LMTK2: variants seen among roughly 807,000 people sequenced by gnomAD.
The protein encoded by LMTK2 is lemur tail kinase 2, also known as serine/threonine-protein kinase LMTK2.
Under a neutral mutation model 127.5 loss-of-function variants are expected in LMTK2, and 37 were observed. The ratio of observed to expected loss-of-function variants is 0.29; its 90% CI spans 0.22 to 0.38. The LOEUF (loss-of-function observed/expected upper bound fraction) is 0.38, where lower values mean the gene tolerates loss of function less well. Among genes scored for constraint, LMTK2 ranks in the 10% least tolerant of loss-of-function variants. LMTK2 has a pLI of 1.00. For missense variants in LMTK2, 1,694 were observed against 1,920.3 expected, an observed-to-expected ratio of 0.88 and a Z score of 2.20; for synonymous variants, 819 against 810.1, an observed-to-expected ratio of 1.01 and a Z score of -0.19.
intron 1 of LMTK2, among the ~76,000 whole-genome samples, chr7:98,119,061 C>G (rs936002636): frequency 6.6e-6 from 1 of 150,794 alleles, no homozygotes; most frequent in Admixed American, 6.6e-5. Flanking sequence ...CACTGCACTC[C>G]CGCCTGGGTG....
chr7:98,193,091 A>G lies in LMTK2; in HGVS notation c.2626A>G (p.Thr876Ala), dbSNP rs1797559434. 1 of 1,613,734 alleles carries G rather than the reference A, an allele frequency of 6.2e-7. No individual in the cohort carries two copies. The highest frequency in any genetic ancestry group is 1.3e-5 in the African/African-American group (1 of 75,018). ...PVEILSTDAR[T>A]HSLDNRSQDS... ...TGAAATTCTCTCAACTGATGCCAGA[A>G]CCCACAGCCTGGATAACAGGTCCCA... The change falls in exon 11 of 14, where the codon ACC (threonine) becomes GCC (alanine). Residue 876 changes from threonine to alanine, a missense_variant. Around this residue, in one of 8 missense-constraint regions of LMTK2, gnomAD observed 527 missense variants for 539.8 expected, o/e 0.98. Transcript: ENST00000297293. This position sits in a 1 kb window ranked among gnomAD's most constrained non-coding sequence, Gnocchi z 4.1.
chr7:98,145,819 G>A (rs1001585186), intron 3 of LMTK2, among the ~76,000 whole-genome samples: 2 of 152,156 alleles, frequency 1.3e-5, no homozygotes, highest in African/African-American at 4.8e-5. Flanking sequence ...TAATTTTGAT[G>A]AAGTCCAGTT....
At chr7:98,172,418 C>T (rs924791336) in intron 7 of LMTK2, among the ~76,000 whole-genome samples, 3 of 151,618 alleles carry the variant, frequency 2.0e-5, no homozygotes, top group Admixed American at 6.6e-5. Flanking sequence ...CTTGAATGAC[C>T]GTAGTTCTTT....
At chr7:98,158,725 TGTA>T (rs1231242656) in intron 5 of LMTK2, among the ~76,000 whole-genome samples, 2 of 152,236 alleles carry the variant, frequency 1.3e-5, no homozygotes, top group Non-Finnish European at 2.9e-5. Flanking sequence ...GTAGGTTATG[TGTA>T]GATAATGACA....
At chr7:98,114,721 T>C (rs764610870) in intron 1 of LMTK2, among the ~76,000 whole-genome samples, 1 of 152,228 alleles carries the variant, frequency 6.6e-6, no homozygotes, top group African/African-American at 2.4e-5. Context: ...CACAGCACTT[T>C]TTTCAGAGCT....
intron 1 of LMTK2, among the ~76,000 whole-genome samples, chr7:98,109,229 A>G (rs1796163464): frequency 6.6e-6 from 1 of 152,118 alleles, no homozygotes; most frequent in Non-Finnish European, 1.5e-5. Flanking sequence ...TTATAAAATG[A>G]ATTTTGTTGG....
At chr7:98,164,149 T>C (rs561269696) in intron 6 of LMTK2, among the ~76,000 whole-genome samples, 2 of 152,256 alleles carry the variant, frequency 1.3e-5, no homozygotes, top group Non-Finnish European at 2.9e-5. Flanking sequence ...GTAGCTGGCC[T>C]GCAGCCACAG....
At position 98,132,626 on chromosome 7, in the gene LMTK2, T is replaced by C. The variant is rs143581929; in HGVS notation, c.104-4689T>C. 2.5e-3 allele frequency among the ~76,000 whole-genome samples: 375 copies of C among 152,234 alleles called. 3 individuals are homozygous for C. The highest frequency in any genetic ancestry group is 8.6e-3 in the African/African-American group (358 of 41,514). ...GCCTTTTCCTTATGACTTGAACCAC[T>C]GGGTAACCAAATAGTAAATGTGAGG... On this transcript the variant is annotated intron_variant, in intron 1 of 13. Transcript: ENST00000297293.
At position 98,206,568 on chromosome 7, in the gene LMTK2, T is replaced by A. The variant is rs1021623368; in HGVS notation, c.*1076T>A. 2 of 152,274 alleles carry A rather than the reference T, an allele frequency of 1.3e-5. No homozygotes were observed. Among genetic ancestry groups the A allele is most frequent in the Admixed American group, 6.5e-5 (1 of 15,284 alleles). The allele number at this position is 152,274 out of a possible 1,614,324, so 9.4% of individuals were successfully genotyped here. A position where few individuals can be genotyped will look rare whatever the true frequency, so the allele number is the denominator to read the frequency against. ...GCCTGGTTTTCGGAGGCCAGGCTGC[T>A]GGGAAGCTTCCGTGTTCCTGTCAGT... is the stretch of plus-strand genomic sequence containing the variant. On this transcript the variant is annotated 3_prime_UTR_variant, in exon 14 of 14. Coordinates refer to ENST00000297293, the MANE Select transcript of LMTK2 (RefSeq NM_014916.4).
At chr7:98,180,619 G>A (rs1797341760) in intron 7 of LMTK2, among the ~76,000 whole-genome samples, 1 of 152,188 alleles carries the variant, frequency 6.6e-6, no homozygotes, top group African/African-American at 2.4e-5. Flanking sequence ...TGGAGAAGTA[G>A]AGAGTTTGGA....
rs1796904497 is a variant in LMTK2, at chr7:98,154,812, G to A, written c.505G>A (p.Glu169Lys). 2 of 1,613,884 alleles carry A rather than the reference G, an allele frequency of 1.2e-6. No individual in the cohort carries two copies. The change falls in exon 5 of 14, where the codon GAG becomes AAG. Residue 169 changes from glutamate to lysine, a missense_variant. Physicochemically the swap from Glu to Lys is moderately conservative, Grantham distance 56. Around this residue, in one of 8 missense-constraint regions of LMTK2, gnomAD observed 203 missense variants for 226.2 expected, o/e 0.90. Coordinates refer to ENST00000297293, the MANE Select transcript of LMTK2 (RefSeq NM_014916.4). ...TAGCGTAGCAAGAGTCATCGTGAAG[G>A]AGTTAAAAGCAAGTGCCAACCCAAA... ...GTSVARVIVK[E>K]LKASANPKEQ... is the part of the protein sequence containing the mutation.
intron 6 of LMTK2, among the ~76,000 whole-genome samples, chr7:98,170,488 CA>C (rs1797165606): frequency 6.6e-6 from 1 of 151,154 alleles, no homozygotes; most frequent in Non-Finnish European, 1.5e-5. Context: ...AGTTACAAGA[CA>C]TGTACTCTTT....
At chr7:98,140,137 T>G (rs1562902641) in intron 2 of LMTK2, among the ~76,000 whole-genome samples, 1 of 4,534 alleles carries the variant, frequency 2.2e-4, no homozygotes, top group Admixed American at 3.1e-3. Context: ...TTTCTTTCTT[T>G]CTTTCTTTTC....
At chr7:98,151,998 G>A (rs1796865102) in intron 4 of LMTK2, among the ~76,000 whole-genome samples, 5 of 152,284 alleles carry the variant, frequency 3.3e-5, no homozygotes, top group South Asian at 2.1e-4. Flanking sequence ...AAAAGTATCT[G>A]AGACTTTTCT....
At chr7:98,176,951 G>A (rs371772222) in intron 7 of LMTK2, among the ~76,000 whole-genome samples, 1 of 152,108 alleles carries the variant, frequency 6.6e-6, no homozygotes, top group African/African-American at 2.4e-5. Flanking sequence ...GTCAGGAGAC[G>A]CAGGCACAGA....
At chr7:98,135,560 G>A (rs1214785882) in intron 1 of LMTK2, among the ~76,000 whole-genome samples, 4 of 151,990 alleles carry the variant, frequency 2.6e-5, no homozygotes, top group Admixed American at 2.6e-4. Context: ...GGGCTCAAGC[G>A]ATCCTCCCAC....
At chr7:98,183,140 G>A (rs1162221708) in intron 7 of LMTK2, among the ~76,000 whole-genome samples, 1 of 152,138 alleles carries the variant, frequency 6.6e-6, no homozygotes, top group Non-Finnish European at 1.5e-5. Flanking sequence ...TTTAAAAATG[G>A]CCCTGCAAAA....
rs573396033 is a variant in LMTK2 at position 98,166,077 on chromosome 7, C to T, written c.658-5464C>T. ...ACGCCTGGCTGCAGCCCGGGCACTA[C>T]GGCCTTGGCCCTTGCTGAGTCTGCC... is the stretch of plus-strand genomic sequence containing the variant. On this transcript the variant is annotated intron_variant, in intron 6 of 13. Transcript: ENST00000297293. Among the ~76,000 whole-genome samples, 926 of 152,368 alleles carry T rather than the reference C, an allele frequency of 6.1e-3. 4 individuals are homozygous for T. Among genetic ancestry groups the T allele is most frequent in the Non-Finnish European group, 7.1e-3 (480 of 68,030 alleles).
At chr7:98,157,560 A>G (rs193223461) in intron 5 of LMTK2, among the ~76,000 whole-genome samples, 19 of 151,990 alleles carry the variant, frequency 1.3e-4, no homozygotes, top group African/African-American at 4.8e-5. Flanking sequence ...ATTGCTAACA[A>G]TTGGAAAAAC....
Sources: gnomAD v4.1 joint callset for allele counts (sites outside exome capture counted in the v4.1 genomes callset) on GRCh38, gnomAD v4.1.1 for gene constraint, gnomAD v4.1.1 regional missense constraint, Gnocchi (gnomAD v3.1) non-coding constraint, MANE v1.5 for transcripts, NCBI Gene and HGNC (gene_info 2026-07-23, HGNC 2026-07-21) for gene names.